The following SPTA1 variants were observed in gnomAD, a reference collection of about 807,000 sequenced individuals.
The protein encoded by SPTA1 is spectrin alpha chain, erythrocytic 1.
In SPTA1, 177 loss-of-function variants were observed where a neutral mutation model predicts 324.7. The observed-to-expected ratio is 0.55, with a 90% CI of 0.48 to 0.62. SPTA1 has a LOEUF of 0.62. SPTA1 is among the 20% of genes least tolerant of loss of function. The probability of loss-of-function intolerance (pLI) is 0.00; values close to 1 mark genes in which losing one functional copy is unlikely to be tolerated. For missense variants in SPTA1, 3,162 were observed against 2,883.6 expected (o/e 1.10, Z -2.21); for synonymous variants, 1,195 against 1,041.3 (o/e 1.15, Z -2.84).
intron 7 of SPTA1, 148 bp downstream of exon 7, chr1:158,677,542 T>G (rs1654468288): frequency 1.1e-6 from 1 of 905,230 alleles, no homozygotes; most frequent in South Asian, 1.4e-5. Flanking sequence ...TGAACTAGAA[T>G]GAAGAAGCGT....
chr1:158,664,304 T>A (rs551839555), intron 16 of SPTA1, among the ~76,000 whole-genome samples: 1 of 152,146 alleles, frequency 6.6e-6, no homozygotes, highest in African/African-American at 2.4e-5. Flanking sequence ...ATAGACTGGA[T>A]AAAGAAAATG....
At chr1:158,676,471 A>G (rs1337625431) in intron 7 of SPTA1, among the ~76,000 whole-genome samples, 176 bp from the exon 8 acceptor site, 1 of 152,200 alleles carries the variant, frequency 6.6e-6, no homozygotes, top group Non-Finnish European at 1.5e-5. Flanking sequence ...TTCACTAAGT[A>G]CTTTTCAGTC....
At chr1:158,613,904 T>G (rs1324735736) in intron 49 of SPTA1, 37 bp from the exon 50 acceptor site, 4 of 1,601,920 alleles carry the variant, frequency 2.5e-6, no homozygotes, top group Non-Finnish European at 3.4e-6. Context: ...TTTATCAAGC[T>G]CAATAGAAAA....
chr1:158,674,707 G>A, intron 8 of SPTA1, 32 bp from the exon 9 acceptor site: 4 of 1,611,796 alleles, frequency 2.5e-6, no homozygotes, highest in Non-Finnish European at 3.4e-6. Context: ...AGACAGGAAG[G>A]AGAAACCAGA....
chr1:158,676,114 G>C (rs200255605), intron 8 of SPTA1, 27 bp downstream of exon 8: 4 of 1,612,730 alleles, frequency 2.5e-6, no homozygotes, highest in Middle Eastern at 1.7e-4. Context: ...GAGATAGGTA[G>C]AGCAATAAAG....
intron 51 of SPTA1, 60 bp downstream of exon 51, chr1:158,612,757 G>C: frequency 6.2e-7 from 1 of 1,603,062 alleles, no homozygotes. Flanking sequence ...CACCGGGCCT[G>C]AGATGACCAG....
At chr1:158,636,090 C>T in intron 37 of SPTA1, 56 bp from the exon 38 acceptor site, 2 of 1,613,868 alleles carry the variant, frequency 1.2e-6, no homozygotes, top group Non-Finnish European at 8.5e-7. Flanking sequence ...CCCATTTAGC[C>T]ATAGTCCCTG....
At chr1:158,679,395 G>A (rs1654633526) in intron 5 of SPTA1, among the ~76,000 whole-genome samples, 1 of 152,086 alleles carries the variant, frequency 6.6e-6, no homozygotes, top group Admixed American at 6.6e-5. Context: ...CTCAAGTCTT[G>A]GATCTTGGAT....
At chr1:158,637,944 A>T in intron 36 of SPTA1, 89 bp downstream of exon 36, 3 of 1,430,836 alleles carry the variant, frequency 2.1e-6, no homozygotes, top group Non-Finnish European at 2.9e-6. Context: ...AAACAAGTAC[A>T]AATTTCATTT....
chr1:158,635,891 G>T, intron 38 of SPTA1, 22 bp downstream of exon 38: 1 of 1,614,060 alleles, frequency 6.2e-7, no homozygotes, highest in East Asian at 2.2e-5. Context: ...GAAGGGAACT[G>T]GGCCTTCTGT....
At chr1:158,625,338 G>T (rs182204578) in intron 42 of SPTA1, among the ~76,000 whole-genome samples, 141 of 152,116 alleles carry the variant, frequency 9.3e-4, no homozygotes, top group Non-Finnish European at 1.6e-3. Context: ...TTCACAATTC[G>T]AAATGTCAAC....
rs189090148 is a variant in SPTA1, at chr1:158,622,066, G to A, written c.6120+917C>T. 7.9e-5 allele frequency among the ~76,000 whole-genome samples: 12 copies of A among 152,190 alleles called. No homozygotes were observed. The East Asian group carries it at 1.9e-3, about 25-fold the overall frequency. The stretch of plus-strand genomic sequence containing the variant: ...TTTTTAGTAGAGACGGTGTTTCACC[G>A]TGTTAGCCAGGATGATCTTGATCTT... On this transcript the variant is annotated intron_variant, in intron 43 of 51. Coordinates refer to ENST00000643759, the MANE Select transcript of SPTA1 (RefSeq NM_003126.4).
intron 7 of SPTA1, 133 bp from the exon 8 acceptor site, chr1:158,676,428 T>G (rs1654399175): frequency 1.1e-6 from 1 of 896,562 alleles, no homozygotes; most frequent in African/African-American, 1.7e-5. Context: ...AGATTTCTAT[T>G]AATATACTAA....
At chr1:158,680,539 A>C in intron 5 of SPTA1, 44 bp downstream of exon 5, 2 of 1,612,588 alleles carry the variant, frequency 1.2e-6, no homozygotes, top group Non-Finnish European at 1.7e-6. Context: ...ATTCTTAAGG[A>C]TAAGAACCCT....
chr1:158,647,580 T>C lies in SPTA1; in HGVS notation c.3855A>G (p.Leu1285=). ...QGRTKDRKES[L]NEAQKFYLFL... ...ACAGGTAGAATTTCTGGGCCTCATT[T>C]AGGCTCTCCTTACGATCCTTTGTAC... Residue 1285 remains leucine (L), a synonymous_variant, in exon 27 of 52, where the codon CTA becomes CTG. Coordinates refer to ENST00000643759, the MANE Select transcript of SPTA1 (RefSeq NM_003126.4). 1 of 1,613,870 alleles carries C rather than the reference T, an allele frequency of 6.2e-7. No individual in the cohort carries two copies. The highest frequency in any genetic ancestry group is 8.5e-7 in the Non-Finnish European group (1 of 1,179,896).
intron 42 of SPTA1, 96 bp from the exon 43 acceptor site, chr1:158,623,288 G>T: frequency 9.6e-7 from 1 of 1,043,658 alleles, no homozygotes; most frequent in Non-Finnish European, 1.5e-6. Flanking sequence ...ATAAGGCTAG[G>T]CAAGAATTAA....
chr1:158,645,526 G>T lies in SPTA1; in HGVS notation c.3965C>A (p.Thr1322Asn). The T allele has an allele frequency of 6.2e-7, 1 of 1,614,026 alleles. No homozygotes were observed. Residue 1322 changes from threonine (T) to asparagine (N), a missense_variant, in exon 28 of 52, where the codon ACT becomes AAT. Coordinates refer to ENST00000643759, the MANE Select transcript of SPTA1 (RefSeq NM_003126.4). Reference protein sequence around the residue: ...VSSQELAEDLTGIEILLERHQ... With the variant: ...VSSQELAEDLNGIEILLERHQ... ...TCTCTCCAGCAAGATCTCTATGCCA[G>T]TTAAGTCTTCGGCCAGCTCCTGTGA... is the stretch of plus-strand genomic sequence containing the variant.
chr1:158,610,910 A>T lies in SPTA1; in HGVS notation c.*354T>A. 1 of 211,358 alleles carries T rather than the reference A, an allele frequency of 4.7e-6. No individual in the cohort carries two copies. The highest frequency in any genetic ancestry group is 9.7e-6 in the Non-Finnish European group (1 of 103,346). The allele number at this position is 211,358 out of a possible 1,614,324, so 13.1% of individuals were successfully genotyped here. On this transcript the variant is annotated 3_prime_UTR_variant, in exon 52 of 52. Transcript: ENST00000643759. ...CATTTTACTTAACTTTGCCCCAAAA[A>T]ATATTTTTAAAAAGAATTACTTTAT...
chr1:158,649,743 T>G, intron 25 of SPTA1, 113 bp downstream of exon 25: 1 of 858,938 alleles, frequency 1.2e-6, no homozygotes, highest in Non-Finnish European at 1.9e-6. Context: ...TATTGGCACA[T>G]TGTCTCCATC....
Sources: gnomAD v4.1 joint callset for allele counts (sites outside exome capture counted in the v4.1 genomes callset) on GRCh38, gnomAD v4.1.1 for gene constraint, MANE v1.5 for transcripts, NCBI Gene and HGNC (gene_info 2026-07-23, HGNC 2026-07-21) for gene names.